The following KCNAB1 variants were observed in gnomAD, a reference collection of about 807,000 sequenced individuals.
KCNAB1 encodes the protein potassium voltage-gated channel subfamily A regulatory beta subunit 1.
KCNAB1 carries 35 observed loss-of-function variants against 64.6 expected under a neutral mutation model. The observed-to-expected ratio is 0.54, with a 90% CI of 0.41 to 0.72. The LOEUF (loss-of-function observed/expected upper bound fraction) is 0.72. Among genes scored for constraint, KCNAB1 ranks in the 30% least tolerant of loss-of-function variants. KCNAB1 has a pLI of 0.00. For synonymous variants in KCNAB1, 177 were observed against 183.8 expected (o/e 0.96, Z 0.30); for missense variants, 401 against 512.9 (o/e 0.78, Z 2.11).
intron 1 of KCNAB1, among the ~76,000 whole-genome samples, chr3:156,221,033 G>A (rs1363008819): frequency 3.3e-5 from 5 of 152,148 alleles, no homozygotes; most frequent in African/African-American, 9.7e-5. Flanking sequence ...TTGTAGATGT[G>A]TGGTGTTATT....
intron 5 of KCNAB1, among the ~76,000 whole-genome samples, chr3:156,462,328 C>T (rs16826250): frequency 0.019 from 2,864 of 152,296 alleles, 114 homozygotes; most frequent in African/African-American, 0.066. Flanking sequence ...GAATATGCAG[C>T]TTTGAATAAT....
At chr3:156,161,984 G>A (rs577397161) in intron 1 of KCNAB1, among the ~76,000 whole-genome samples, 1 of 152,266 alleles carries the variant, frequency 6.6e-6, no homozygotes, top group South Asian at 2.1e-4. Flanking sequence ...AACCAAAACC[G>A]AAAACTACTC....
chr3:156,360,714 T>G (rs1442669771), intron 1 of KCNAB1, among the ~76,000 whole-genome samples: 1 of 150,202 alleles, frequency 6.7e-6, no homozygotes, highest in Admixed American at 6.7e-5. Flanking sequence ...ACTCTGTTTC[T>G]CTCCCTCTAT....
chr3:156,203,361 A>G (rs957646296), intron 1 of KCNAB1, among the ~76,000 whole-genome samples: 4 of 152,232 alleles, frequency 2.6e-5, no homozygotes, highest in African/African-American at 7.2e-5. Flanking sequence ...TTGATGATCT[A>G]GAGGAGCTCA....
At chr3:156,274,584 T>A (rs79708677) in intron 1 of KCNAB1, among the ~76,000 whole-genome samples, 9,407 of 152,118 alleles carry the variant, frequency 0.062, 401 homozygotes, top group Middle Eastern at 0.099. Context: ...AATAAAAAAA[T>A]AACTATCTCT....
intron 1 of KCNAB1, among the ~76,000 whole-genome samples, chr3:156,240,274 C>G (rs1717085468): frequency 6.6e-6 from 1 of 152,110 alleles, no homozygotes; most frequent in South Asian, 2.1e-4. Context: ...TTTAAATTTT[C>G]TTGCCCTCTT....
chr3:156,239,526 C>T (rs1208090266), intron 1 of KCNAB1, among the ~76,000 whole-genome samples: 1 of 152,144 alleles, frequency 6.6e-6, no homozygotes, highest in Non-Finnish European at 1.5e-5. Context: ...AGCCACTACT[C>T]TGTGGTGGTT....
intron 1 of KCNAB1, among the ~76,000 whole-genome samples, chr3:156,417,326 T>C (rs984759434): frequency 6.6e-6 from 1 of 152,194 alleles, no homozygotes; most frequent in Non-Finnish European, 1.5e-5. Flanking sequence ...CAGCAAATGA[T>C]GTAATTCTCT....
chr3:156,228,205 C>T (rs1011080124), intron 1 of KCNAB1, among the ~76,000 whole-genome samples: 20 of 152,080 alleles, frequency 1.3e-4, no homozygotes, highest in Admixed American at 1.3e-3. Context: ...AAGTCAGATG[C>T]TGTCCTTGCC....
At chr3:156,196,494 G>T (rs989091938) in intron 1 of KCNAB1, among the ~76,000 whole-genome samples, 2 of 152,114 alleles carry the variant, frequency 1.3e-5, no homozygotes, top group Non-Finnish European at 2.9e-5. Context: ...TTGAGTAGTG[G>T]TTTATAGTTC....
At chr3:156,373,644 GAT>G (rs551440219) in intron 1 of KCNAB1, among the ~76,000 whole-genome samples, 119 of 152,270 alleles carry the variant, frequency 7.8e-4, no homozygotes, top group African/African-American at 2.7e-3. Flanking sequence ...CAGTTTGTAA[GAT>G]AAGCTATGTT....
At chr3:156,139,844 T>C in intron 1 of KCNAB1, among the ~76,000 whole-genome samples, 1 of 152,138 alleles carries the variant, frequency 6.6e-6, no homozygotes, top group East Asian at 1.9e-4. Context: ...ATACAGTCCC[T>C]TCCCTAAAAG....
At chr3:156,376,343 G>T (rs1711659403) in intron 1 of KCNAB1, among the ~76,000 whole-genome samples, 1 of 152,188 alleles carries the variant, frequency 6.6e-6, no homozygotes, top group Non-Finnish European at 1.5e-5. Context: ...AGAGGAGGGA[G>T]AGGAGCAGAG....
intron 1 of KCNAB1, among the ~76,000 whole-genome samples, chr3:156,181,497 A>G (rs1043100224): frequency 6.6e-6 from 1 of 152,228 alleles, no homozygotes; most frequent in Non-Finnish European, 1.5e-5. Flanking sequence ...GGGACTGTCA[A>G]TCAAACAATG....
At chr3:156,387,376 A>G (rs574482121) in intron 1 of KCNAB1, among the ~76,000 whole-genome samples, 2 of 152,334 alleles carry the variant, frequency 1.3e-5, no homozygotes, top group Non-Finnish European at 2.9e-5. Context: ...ATAGAGATCA[A>G]GAGCAAACAG....
In KCNAB1 at chr3:156,453,041, T is replaced by A. The variant is rs1028681617; in HGVS notation, c.357+105T>A. 7.7e-6 allele frequency: 5 copies of A among 647,832 alleles called. No individual in the cohort carries two copies. The African/African-American group carries it at 9.2e-5, about 12-fold the overall frequency. The allele number at this position is 647,832 out of a possible 1,614,324, so 40.1% of individuals were successfully genotyped here. On this transcript the variant is annotated intron_variant, in intron 3 of 13. Transcript: ENST00000490337. ...CCCTGACACTCTACAGGGATAAGGT[T>A]TAATTCACAGGAAATGGTAAAATTG... is the stretch of plus-strand genomic sequence containing the variant.
chr3:156,429,209 C>G (rs1241061861), intron 2 of KCNAB1, among the ~76,000 whole-genome samples: 11 of 152,194 alleles, frequency 7.2e-5, no homozygotes, highest in African/African-American at 2.4e-4. Flanking sequence ...ATTGTCTTAT[C>G]TGGATGGATT....
chr3:156,396,837 T>A (rs1713499265), intron 1 of KCNAB1, among the ~76,000 whole-genome samples: 1 of 152,232 alleles, frequency 6.6e-6, no homozygotes, highest in African/African-American at 2.4e-5. Flanking sequence ...CTGAGTTTCA[T>A]GAGGATTTTG....
intron 1 of KCNAB1, among the ~76,000 whole-genome samples, chr3:156,258,985 T>C (rs1451660803): frequency 2.6e-5 from 4 of 152,238 alleles, no homozygotes; most frequent in African/African-American, 7.2e-5. Context: ...CGGCTTCCAA[T>C]TGGTCTTTGT....
Sources: gnomAD v4.1 joint callset for allele counts (sites outside exome capture counted in the v4.1 genomes callset) on GRCh38, gnomAD v4.1.1 for gene constraint, MANE v1.5 for transcripts, NCBI Gene and HGNC (gene_info 2026-07-23, HGNC 2026-07-21) for gene names.